The following CSMD3 variants were observed in gnomAD, a reference collection of about 807,000 sequenced individuals.
CSMD3 encodes the protein CUB and Sushi multiple domains 3, also known as CUB and sushi domain-containing protein 3.
CSMD3 carries 177 observed loss-of-function variants against 435.2 expected under a neutral mutation model. The observed-to-expected ratio is 0.41, with a 90% CI of 0.36 to 0.46. CSMD3 has a LOEUF of 0.46. CSMD3 is among the 20% of genes least tolerant of loss of function. CSMD3 has a pLI of 0.34. For synonymous variants in CSMD3, 1,656 were observed against 1,520.5 expected (o/e 1.09, Z -2.07); for missense variants, 4,265 against 4,504.6 (o/e 0.95, Z 1.52).
intron 2 of CSMD3, among the ~76,000 whole-genome samples, chr8:113,280,302 T>A (rs778358113): frequency 6.6e-6 from 1 of 151,974 alleles, no homozygotes. Flanking sequence ...TTGGACTTTT[T>A]TTCGTTGCTA....
chr8:112,997,862 GTA>G (rs35783145), intron 6 of CSMD3, among the ~76,000 whole-genome samples: 92,239 of 145,594 alleles, frequency 0.63, 29,943 homozygotes, highest in East Asian at 0.87. Flanking sequence ...GTATATGTGT[GTA>G]TATATATATA....
chr8:113,103,074 T>C (rs955560870), intron 4 of CSMD3, among the ~76,000 whole-genome samples: 1 of 152,170 alleles, frequency 6.6e-6, no homozygotes, highest in South Asian at 2.1e-4. Flanking sequence ...CTCATTATCT[T>C]CAAAAGATTA....
rs571104662 is a variant in CSMD3, at chr8:112,912,932, C to G, written c.1633+8695G>C. 2.0e-5 allele frequency among the ~76,000 whole-genome samples: 3 copies of G among 151,942 alleles called. No individual in the cohort carries two copies. In the East Asian group the frequency reaches 5.8e-4, roughly 30 times the overall value. On this transcript the variant is annotated intron_variant, in intron 10 of 70. Coordinates refer to ENST00000297405, the MANE Select transcript of CSMD3 (RefSeq NM_198123.2). ...TAGACATTTCTCAAAAGAAGACATA[C>G]AAATGGCCAACAGGTATATGGAAAA... is the stretch of plus-strand genomic sequence containing the variant.
chr8:112,753,732 T>C (rs1222673701), intron 13 of CSMD3, among the ~76,000 whole-genome samples: 1 of 152,230 alleles, frequency 6.6e-6, no homozygotes, highest in Non-Finnish European at 1.5e-5. Flanking sequence ...GAAATGCCTG[T>C]ACAAGTTCCA....
chr8:112,434,518 C>A (rs1262316578), intron 32 of CSMD3, among the ~76,000 whole-genome samples: 1 of 152,100 alleles, frequency 6.6e-6, no homozygotes, highest in African/African-American at 2.4e-5. Context: ...ATCTATGCCA[C>A]ATAATACCAT....
At chr8:112,897,134 AT>A (rs1200162666) in intron 10 of CSMD3, among the ~76,000 whole-genome samples, 1 of 151,350 alleles carries the variant, frequency 6.6e-6, no homozygotes, top group Admixed American at 6.6e-5. Flanking sequence ...CAAATCCCCC[AT>A]GTAATATTTT....
intron 1 of CSMD3, among the ~76,000 whole-genome samples, chr8:113,330,927 A>T (rs2094022926): frequency 6.6e-6 from 1 of 151,858 alleles, no homozygotes; most frequent in Non-Finnish European, 1.5e-5. Flanking sequence ...GAAGCCAACT[A>T]AGCCTCACTA....
chr8:112,986,554 A>C (rs2085260685), intron 6 of CSMD3, among the ~76,000 whole-genome samples: 1 of 152,134 alleles, frequency 6.6e-6, no homozygotes, highest in African/African-American at 2.4e-5. Context: ...TTAAGTCTTC[A>C]ACCATTTTAG....
intron 1 of CSMD3, among the ~76,000 whole-genome samples, chr8:113,403,620 G>T (rs1481203573): frequency 2.0e-5 from 3 of 151,346 alleles, no homozygotes; most frequent in Non-Finnish European, 4.5e-5. Context: ...TAAAGGGAAA[G>T]CAATTTTTGC....
intron 16 of CSMD3, among the ~76,000 whole-genome samples, chr8:112,666,927 T>C (rs1340408311): frequency 6.6e-6 from 1 of 152,182 alleles, no homozygotes. Flanking sequence ...CAGAATAAGC[T>C]CCTCCAAATT....
At chr8:112,641,054 T>C (rs1166391892) in intron 20 of CSMD3, among the ~76,000 whole-genome samples, 2 of 152,144 alleles carry the variant, frequency 1.3e-5, no homozygotes, top group African/African-American at 2.4e-5. Flanking sequence ...ATATTTAAAA[T>C]GGGGTTCTAA....
chr8:113,241,936 A>G (rs1435227672), intron 3 of CSMD3, among the ~76,000 whole-genome samples: 2 of 151,028 alleles, frequency 1.3e-5, no homozygotes, highest in African/African-American at 4.9e-5. Flanking sequence ...AACTGTTTAT[A>G]TAAAAAATTA....
intron 5 of CSMD3, among the ~76,000 whole-genome samples, chr8:113,037,459 C>T (rs1341451165): frequency 6.6e-6 from 1 of 152,010 alleles, no homozygotes. Flanking sequence ...TTATTTTCTA[C>T]ATTATTTATC....
intron 13 of CSMD3, among the ~76,000 whole-genome samples, chr8:112,699,377 T>C (rs1192080855): frequency 1.3e-5 from 2 of 152,074 alleles, no homozygotes; most frequent in South Asian, 2.1e-4. Flanking sequence ...GGTCCACGGC[T>C]TCATGCTTGA....
chr8:112,319,034 T>A, intron 46 of CSMD3, 84 bp from the exon 47 acceptor site: 1 of 816,992 alleles, frequency 1.2e-6, no homozygotes, highest in Non-Finnish European at 2.1e-6. Flanking sequence ...AGGAGAATAT[T>A]TTCTCCTTTA....
intron 11 of CSMD3, among the ~76,000 whole-genome samples, chr8:112,853,885 CT>C (rs917399740): frequency 2.2e-4 from 33 of 150,050 alleles, no homozygotes; most frequent in African/African-American, 6.1e-4. Flanking sequence ...TTCTCAGATT[CT>C]TTTTTTTTTC....
At chr8:112,265,648 G>A (rs1816875687) in intron 59 of CSMD3, 58 bp from the exon 60 acceptor site, 7 of 1,204,606 alleles carry the variant, frequency 5.8e-6, no homozygotes, top group Non-Finnish European at 7.4e-6. Flanking sequence ...TAATGGAGAG[G>A]AGTAGTAAGC....
At chr8:112,333,765 T>C (rs1824300357) in intron 45 of CSMD3, among the ~76,000 whole-genome samples, 1 of 152,144 alleles carries the variant, frequency 6.6e-6, no homozygotes. Context: ...AATTTTATAC[T>C]TCCTATAGGG....
At position 112,719,626 on chromosome 8, in the gene CSMD3, C is replaced by A. The variant is rs112815503; in HGVS notation, c.1973-29576G>T. On this transcript the variant is annotated intron_variant, in intron 13 of 70. Transcript: ENST00000297405. ...CATGAGAGCTTGACTTTTCAAAGGC[C>A]CCGTCTCCAAATACTATCATATTGG... is the stretch of plus-strand genomic sequence containing the variant. Among the ~76,000 whole-genome samples, 720 of 152,074 alleles carry A rather than the reference C, an allele frequency of 4.7e-3. 3 individuals are homozygous for A. The highest frequency in any genetic ancestry group is 7.1e-3 in the Non-Finnish European group (482 of 67,992).
Sources: allele counts gnomAD v4.1 joint callset (sites outside exome capture counted in the v4.1 genomes callset), GRCh38; gene constraint gnomAD v4.1.1; transcripts MANE v1.5; gene names NCBI Gene and HGNC (gene_info 2026-07-23, HGNC 2026-07-21).